The following PLS1 variants were observed in gnomAD, a reference collection of about 807,000 sequenced individuals.
PLS1 encodes the protein plastin-1.
In PLS1, 32 loss-of-function variants were observed where a neutral mutation model predicts 73.7. The ratio of observed to expected loss-of-function variants is 0.43; its 90% CI spans 0.33 to 0.58. The LOEUF is 0.58. Among genes scored for constraint, PLS1 ranks in the 20% least tolerant of loss-of-function variants. The pLI is 0.04. For missense variants in PLS1, 633 were observed against 740.5 expected (o/e 0.85, Z 1.68); for synonymous variants, 217 against 261.3 (o/e 0.83, Z 1.63).
At chr3:142,609,258 C>T (rs993066772) in intron 1 of PLS1, among the ~76,000 whole-genome samples, 3 of 152,198 alleles carry the variant, frequency 2.0e-5, no homozygotes, top group African/African-American at 7.2e-5. Context: ...TTAACTGTGA[C>T]ATCTCCATTA....
intron 8 of PLS1, among the ~76,000 whole-genome samples, chr3:142,685,300 A>G (rs1418550384): frequency 6.6e-6 from 1 of 152,242 alleles, no homozygotes; most frequent in East Asian, 1.9e-4. Context: ...GCAAAGACTC[A>G]GCTCTTGAGA....
At chr3:142,704,812 CTAAT>C (rs1216503724) in intron 14 of PLS1, among the ~76,000 whole-genome samples, 1 of 144,902 alleles carries the variant, frequency 6.9e-6, no homozygotes, top group Non-Finnish European at 1.5e-5. Flanking sequence ...CCACACCCGG[CTAAT>C]TTTTTTTTTT....
At chr3:142,618,920 A>T (rs866174862) in intron 1 of PLS1, among the ~76,000 whole-genome samples, 16 of 152,078 alleles carry the variant, frequency 1.1e-4, no homozygotes, top group Admixed American at 5.9e-4. Context: ...TACCATATTC[A>T]CAGGTTCTGG....
chr3:142,704,698 G>C, intron 14 of PLS1, 112 bp downstream of exon 14: 1 of 516,924 alleles, frequency 1.9e-6, no homozygotes, highest in Non-Finnish European at 3.1e-6. Flanking sequence ...ACCCAGGCTG[G>C]TGTGCAGTGG....
chr3:142,641,249 ATC>A (rs528671742), intron 1 of PLS1, among the ~76,000 whole-genome samples: 74 of 145,560 alleles, frequency 5.1e-4, no homozygotes, highest in African/African-American at 1.4e-3. Context: ...ATATCTATAT[ATC>A]TCTCTATATA....
intron 1 of PLS1, among the ~76,000 whole-genome samples, chr3:142,626,897 T>C (rs189799327): frequency 6.6e-6 from 1 of 152,350 alleles, no homozygotes; most frequent in Non-Finnish European, 1.5e-5. Context: ...ACATCACAAA[T>C]GCTGGAAGTG....
intron 1 of PLS1, among the ~76,000 whole-genome samples, chr3:142,651,338 T>C (rs2037083838): frequency 6.6e-6 from 1 of 151,938 alleles, no homozygotes; most frequent in African/African-American, 2.4e-5. Context: ...GATGTGCACC[T>C]GTAATCTCAG....
intron 1 of PLS1, among the ~76,000 whole-genome samples, chr3:142,646,346 G>A (rs915835164): frequency 2.0e-5 from 3 of 152,236 alleles, no homozygotes; most frequent in Non-Finnish European, 4.4e-5. Flanking sequence ...TATGAGCCAT[G>A]TTTATAGAAC....
chr3:142,636,929 T>C lies in PLS1; in HGVS notation c.-36-27273T>C, dbSNP rs2036706565. 2.0e-5 allele frequency among the ~76,000 whole-genome samples: 3 copies of C among 152,186 alleles called. 1 individual carries two copies. The highest frequency in any genetic ancestry group is 2.0e-4 in the Admixed American group (3 of 15,276). ...CGATCATACCACGTGTTGGTGAATA[T>C]GTGGAGGAACGCGAAATCTCATACA... is the stretch of plus-strand genomic sequence containing the variant. On this transcript the variant is annotated intron_variant, in intron 1 of 15. Transcript: ENST00000457734.
At chr3:142,613,114 C>G in intron 1 of PLS1, among the ~76,000 whole-genome samples, 1 of 151,928 alleles carries the variant, frequency 6.6e-6, no homozygotes, top group East Asian at 1.9e-4. Context: ...ACTAAAGAAT[C>G]TATTCTCATC....
chr3:142,604,934 T>C (rs2108538462), intron 1 of PLS1, among the ~76,000 whole-genome samples: 1 of 118,626 alleles, frequency 8.4e-6, no homozygotes, highest in African/African-American at 3.9e-5. Flanking sequence ...AGACTCCGTC[T>C]CAAAAAAAAA....
chr3:142,672,145 T>C (rs1326681746), intron 4 of PLS1, among the ~76,000 whole-genome samples: 1 of 152,098 alleles, frequency 6.6e-6, no homozygotes, highest in Non-Finnish European at 1.5e-5. Context: ...AATTTTTCCA[T>C]GTGTATATAC....
chr3:142,614,728 A>G (rs1319515049), intron 1 of PLS1, among the ~76,000 whole-genome samples: 4 of 152,106 alleles, frequency 2.6e-5, no homozygotes, highest in Non-Finnish European at 4.4e-5. Context: ...AGAGCCTGTG[A>G]TGGGTGCTTC....
At chr3:142,680,155 C>T (rs545658614) in intron 6 of PLS1, among the ~76,000 whole-genome samples, 1 of 152,328 alleles carries the variant, frequency 6.6e-6, no homozygotes, top group South Asian at 2.1e-4. Flanking sequence ...CCTCAAACTC[C>T]TGGGATCAAG....
intron 3 of PLS1, among the ~76,000 whole-genome samples, chr3:142,670,654 GA>G (rs1210897522): frequency 6.6e-6 from 1 of 152,058 alleles, no homozygotes; most frequent in African/African-American, 2.4e-5. Flanking sequence ...GTTCAGGCAG[GA>G]AAATATCTTC....
At chr3:142,619,262 A>C (rs1489315861) in intron 1 of PLS1, among the ~76,000 whole-genome samples, 2 of 152,234 alleles carry the variant, frequency 1.3e-5, no homozygotes, top group African/African-American at 2.4e-5. Flanking sequence ...TGGATTCAGA[A>C]AAAAATTCTG....
intron 6 of PLS1, among the ~76,000 whole-genome samples, chr3:142,678,891 A>G (rs1212308240): frequency 3.9e-5 from 6 of 152,142 alleles, no homozygotes; most frequent in African/African-American, 1.4e-4. Context: ...TCCCACCAAC[A>G]GTGTAAAAGT....
chr3:142,606,021 T>G (rs2036011098), intron 1 of PLS1, among the ~76,000 whole-genome samples: 1 of 152,240 alleles, frequency 6.6e-6, no homozygotes, highest in Non-Finnish European at 1.5e-5. Context: ...CTCATACCAC[T>G]AGGACAATAA....
At chr3:142,666,267 C>T (rs1229948638) in intron 2 of PLS1, among the ~76,000 whole-genome samples, 2 of 152,114 alleles carry the variant, frequency 1.3e-5, no homozygotes, top group African/African-American at 4.8e-5. Context: ...TCATCACCAC[C>T]ATCCCTTTCC....
Sources: gnomAD v4.1 joint callset for allele counts (sites outside exome capture counted in the v4.1 genomes callset) on GRCh38, gnomAD v4.1.1 for gene constraint, MANE v1.5 for transcripts, NCBI Gene and HGNC (gene_info 2026-07-23, HGNC 2026-07-21) for gene names.